DNAH1: variants seen among roughly 807,000 people sequenced by gnomAD.
The protein encoded by DNAH1 is dynein axonemal heavy chain 1, also known as axonemal beta dynein heavy chain 1.
A neutral mutation model predicts 484.3 loss-of-function variants in DNAH1; 327 were observed. The ratio of observed to expected loss-of-function variants is 0.68; its 90% CI spans 0.62 to 0.74. DNAH1 has a LOEUF of 0.74. Among genes scored for constraint, DNAH1 ranks in the 30% least tolerant of loss-of-function variants. DNAH1 has a pLI of 0.00. For synonymous variants in DNAH1, 2,192 were observed against 2,191.9 expected (o/e 1.00, Z 0.00); for missense variants, 5,052 against 5,546.8 (o/e 0.91, Z 2.83).
intron 28 of DNAH1, among the ~76,000 whole-genome samples, chr3:52,360,708 G>A (rs942133552): frequency 2.0e-5 from 3 of 152,214 alleles, no homozygotes; most frequent in African/African-American, 7.2e-5. Context: ...CAGCACAGGT[G>A]TGGCACTCAG....
Position 52,316,319 on chromosome 3 carries a change from G to C in DNAH1, c.-261G>C, listed in dbSNP as rs1366364220. On this transcript the variant is annotated 5_prime_UTR_variant, in exon 1 of 78. Coordinates refer to ENST00000420323, the MANE Select transcript of DNAH1 (RefSeq NM_015512.5). Reference sequence around the variant, plus strand: ...AAGCAGGTGCCTCTCTACAGGCCAAGGGGGGTACCCAACCTATACGCAGAC... The same window carrying C: ...AAGCAGGTGCCTCTCTACAGGCCAACGGGGGTACCCAACCTATACGCAGAC... The C allele has an allele frequency of 6.6e-6, 1 of 152,338 alleles. No individual in the cohort carries two copies. Among genetic ancestry groups the C allele is most frequent in the Non-Finnish European group, 1.5e-5 (1 of 68,150 alleles). 9.4% of individuals were successfully genotyped at this position (152,338 alleles called of 1,614,324 possible).
chr3:52,392,794 C>T, intron 64 of DNAH1, 36 bp from the exon 65 acceptor site: 2 of 985,596 alleles, frequency 2.0e-6, no homozygotes, highest in Non-Finnish European at 1.5e-6. Context: ...CTACCTTCTG[C>T]TCTTTGACCC....
At chr3:52,394,176 T>C (rs921535735) in intron 66 of DNAH1, among the ~76,000 whole-genome samples, 3 of 152,254 alleles carry the variant, frequency 2.0e-5, no homozygotes, top group Non-Finnish European at 4.4e-5. Flanking sequence ...GAGCCCTAAC[T>C]GCGTGCCTGG....
chr3:52,316,493 TAAAAC>T lies in DNAH1; in HGVS notation c.-86_-82del, dbSNP rs1267894015. The stretch of plus-strand genomic sequence containing the variant: ...CCTGTGTGAATGCCAACAAGAAAAA[TAAAAC>T]CACAGTTTGGATTCAGGAAAGGTTG... On this transcript the variant is annotated 5_prime_UTR_variant, in exon 1 of 78. It removes the in-frame stop codon of an upstream open reading frame in the 5' UTR. Coordinates refer to ENST00000420323, the MANE Select transcript of DNAH1 (RefSeq NM_015512.5). The T allele has an allele frequency of 2.6e-5, 4 of 152,150 alleles. No individual in the cohort carries two copies. Among genetic ancestry groups the T allele is most frequent in the African/African-American group, 7.2e-5 (3 of 41,418 alleles). 9.4% of individuals were successfully genotyped at this position (152,150 alleles called of 1,614,324 possible).
At chr3:52,397,068 A>G in intron 73 of DNAH1, 24 bp downstream of exon 73, 1 of 1,570,462 alleles carries the variant, frequency 6.4e-7, no homozygotes, top group Non-Finnish European at 8.6e-7. Flanking sequence ...AAAGGGCTGC[A>G]CAGGAGGGGC....
Position 52,358,820 on chromosome 3 carries a change from C to T in DNAH1, c.4266+83C>T, listed in dbSNP as rs915239770. ...GTGCCCCTCCTGCTCTAGCCGGCCT[C>T]GTCCTCAGGCTGCAGCCCTGAGGTC... On this transcript the variant is annotated intron_variant, in intron 25 of 77. Transcript: ENST00000420323. This position sits in a 1 kb window ranked among gnomAD's most constrained non-coding sequence, Gnocchi z 4.2. 5.2e-6 allele frequency: 8 copies of T among 1,534,960 alleles called. No homozygotes were observed. The highest frequency in any genetic ancestry group is 2.8e-5 in the African/African-American group (2 of 71,956).
At position 52,400,454 on chromosome 3, in the gene DNAH1, C is replaced by T. The variant is rs760764108; in HGVS notation, c.*8C>T. ...TGTGCCCTGGACTACTAGACTCAGA[C>T]AGAAGGGCTGGGGCCATTAAAGCTG... On this transcript the variant is annotated 3_prime_UTR_variant, in exon 78 of 78. Coordinates refer to ENST00000420323, the MANE Select transcript of DNAH1 (RefSeq NM_015512.5). 1 of 1,613,994 alleles carries T rather than the reference C, an allele frequency of 6.2e-7. No homozygotes were observed. Among genetic ancestry groups the T allele is most frequent in the Non-Finnish European group, 8.5e-7 (1 of 1,179,842 alleles).
intron 6 of DNAH1, among the ~76,000 whole-genome samples, chr3:52,330,783 AACTCATTCCTGACCTTT>A (rs1369908815): frequency 2.0e-5 from 3 of 152,224 alleles, no homozygotes; most frequent in African/African-American, 7.2e-5. Context: ...AAGGGGGTCC[AACTCATTCCTGACCTTT>A]ACAACTGGGT....
chr3:52,373,738 T>C, intron 44 of DNAH1: 1 of 1,388,710 alleles, frequency 7.2e-7, no homozygotes, highest in East Asian at 2.3e-5. Context: ...TCTGATCCAC[T>C]AAGTGAACTA....
At position 52,323,864 on chromosome 3, in the gene DNAH1, C is replaced by G. The variant is rs866336348; in HGVS notation, c.390C>G (p.Asp130Glu). 6.3e-7 allele frequency: 1 copy of G among 1,577,980 alleles called. No homozygotes were observed. The highest frequency in any genetic ancestry group is 8.6e-7 in the Non-Finnish European group (1 of 1,161,704). Residue 130 changes from aspartate (D) to glutamate (E), a missense_variant, in exon 3 of 78, where the codon GAC becomes GAG. Physicochemically the swap from Asp to Glu is conservative, Grantham distance 45. Coordinates refer to ENST00000420323, the MANE Select transcript of DNAH1 (RefSeq NM_015512.5). ...ACCTCCTGCGGCAGGCTGACCTTGA[C>G]AAGTTCACCCCAAGAGGTCAGTGCT... ...SQNLLRQADLDKFTPRVGSFE... is the reference protein window; with the variant it reads ...SQNLLRQADLEKFTPRVGSFE...
rs778512407 is a variant in DNAH1 at position 52,350,596 on chromosome 3, T to C, written c.2729+6T>C. ...TCAGATGACTTCAATGACAAGTGAGTGGGAGCTTGGCCCCCATGCCAGGTG... is the reference window on the plus strand; with the variant it reads ...TCAGATGACTTCAATGACAAGTGAGCGGGAGCTTGGCCCCCATGCCAGGTG... On this transcript the variant is annotated splice_donor_region_variant and intron_variant, in intron 16 of 77. Transcript: ENST00000420323. 6.2e-7 allele frequency: 1 copy of C among 1,613,018 alleles called. No homozygotes were observed. Among genetic ancestry groups the C allele is most frequent in the Non-Finnish European group, 8.5e-7 (1 of 1,179,434 alleles).
intron 48 of DNAH1, among the ~76,000 whole-genome samples, chr3:52,380,948 AG>A (rs1304757039): frequency 6.6e-6 from 1 of 152,218 alleles, no homozygotes; most frequent in African/African-American, 2.4e-5. Flanking sequence ...GGGAGAGCAG[AG>A]ATGTTCTAGC....
intron 45 of DNAH1, 120 bp from the exon 46 acceptor site, chr3:52,375,835 A>T: frequency 8.4e-7 from 1 of 1,186,104 alleles, no homozygotes; most frequent in African/African-American, 1.5e-5. Flanking sequence ...CTGAGCCTTT[A>T]TGGGGTTTGG....
intron 20 of DNAH1, 143 bp from the exon 21 acceptor site, chr3:52,354,700 C>T (rs1702534318): frequency 1.4e-6 from 1 of 704,394 alleles, no homozygotes; most frequent in African/African-American, 1.8e-5. Context: ...GGACTTGTTG[C>T]CAGACAAGCC....
intron 22 of DNAH1, among the ~76,000 whole-genome samples, chr3:52,357,274 A>G (rs1294774633): frequency 6.6e-6 from 1 of 152,040 alleles, no homozygotes; most frequent in Non-Finnish European, 1.5e-5. Context: ...GGCTGGTCTC[A>G]AACTCCTGAC....
chr3:52,311,237 T>C, the DNAH1 span, among the ~76,000 whole-genome samples: 54 of 152,316 alleles, frequency 3.5e-4, 1 homozygote, highest in African/African-American at 1.2e-3. Flanking sequence ...GCCTAATACC[T>C]TGAGGCCCTG....
At chr3:52,345,368 AACGCCAGTCACTCTTC>A in intron 9 of DNAH1, 111 bp from the exon 10 acceptor site, 3 of 774,012 alleles carry the variant, frequency 3.9e-6, no homozygotes, top group Non-Finnish European at 6.3e-6. Flanking sequence ...GGGCTCTGGG[AACGCCAGTCACTCTTC>A]AGGGAGAAGG....
Position 52,396,367 on chromosome 3 carries a change from G to A in DNAH1, c.11260-1G>A. The A allele has an allele frequency of 1.3e-6, 2 of 1,572,016 alleles. No individual in the cohort carries two copies. Among genetic ancestry groups the A allele is most frequent in the Non-Finnish European group, 1.7e-6 (2 of 1,159,540 alleles). ...TGCTCACGTGGAGCCATGGCCACCA[G>A]GTACACAGGGACTTCCGCCTCTGGC... On this transcript the variant is annotated splice_acceptor_variant, in intron 70 of 77. Transcript: ENST00000420323. LOFTEE classifies it high-confidence loss of function.
rs1459629418 is a variant in DNAH1 at position 52,394,239 on chromosome 3, A to G, written c.10627-226A>G. ...AGCCTTCTGATTCTTTCTACTCCCA[A>G]ATGAGGAGGCAGAGGCCCAGAGAAG... On this transcript the variant is annotated intron_variant, in intron 66 of 77. Coordinates refer to ENST00000420323, the MANE Select transcript of DNAH1 (RefSeq NM_015512.5). 9.5e-4 allele frequency among the ~76,000 whole-genome samples: 144 copies of G among 152,082 alleles called. 1 individual carries two copies. Among genetic ancestry groups the G allele is most frequent in the Non-Finnish European group, 1.3e-4 (9 of 68,038 alleles).
Sources: gnomAD v4.1 joint callset for allele counts (sites outside exome capture counted in the v4.1 genomes callset) on GRCh38, gnomAD v4.1.1 for gene constraint, Gnocchi (gnomAD v3.1) non-coding constraint, MANE v1.5 for transcripts, NCBI Gene and HGNC (gene_info 2026-07-23, HGNC 2026-07-21) for gene names.